The following LRFN5 variants were observed in gnomAD, a reference collection of about 807,000 sequenced individuals.
The protein encoded by LRFN5 is leucine-rich repeat and fibronectin type-III domain-containing protein 5.
LRFN5 carries 24 observed loss-of-function variants against 45.6 expected under a neutral mutation model. The ratio of observed to expected loss-of-function variants is 0.53; its 90% CI spans 0.38 to 0.74. LRFN5 has a LOEUF of 0.74. LRFN5 is among the 30% of genes least tolerant of loss of function. The pLI is 0.00. For synonymous variants in LRFN5, 340 were observed against 313.8 expected (o/e 1.08, Z -0.88); for missense variants, 776 against 861.5 (o/e 0.90, Z 1.24).
intron 2 of LRFN5, among the ~76,000 whole-genome samples, chr14:41,860,125 T>C (rs2139095472): frequency 6.6e-6 from 1 of 152,272 alleles, no homozygotes; most frequent in South Asian, 2.1e-4. Flanking sequence ...AGAAGAAAAG[T>C]GAAGTTCAGA....
At chr14:41,716,441 T>G (rs61990339) in intron 1 of LRFN5, among the ~76,000 whole-genome samples, 1 of 152,166 alleles carries the variant, frequency 6.6e-6, no homozygotes, top group Non-Finnish European at 1.5e-5. Flanking sequence ...TTCAGTGCTT[T>G]GCTGCTTAGA....
chr14:41,824,587 T>C (rs1355772695), intron 2 of LRFN5, among the ~76,000 whole-genome samples: 3 of 152,158 alleles, frequency 2.0e-5, no homozygotes, highest in African/African-American at 4.8e-5. Flanking sequence ...AGGTTTTTTA[T>C]TGGGTTATGT....
chr14:41,763,317 A>G (rs970479322), intron 1 of LRFN5, among the ~76,000 whole-genome samples: 5 of 152,206 alleles, frequency 3.3e-5, no homozygotes, highest in Admixed American at 2.0e-4. Flanking sequence ...GGCTCTTACC[A>G]ATGTATATGT....
intron 1 of LRFN5, among the ~76,000 whole-genome samples, chr14:41,760,909 A>G (rs1342579275): frequency 2.0e-5 from 3 of 152,172 alleles, no homozygotes; most frequent in African/African-American, 4.8e-5. Flanking sequence ...CTATTATCCA[A>G]TAATCAGCTA....
intron 2 of LRFN5, among the ~76,000 whole-genome samples, chr14:41,864,979 A>T (rs1227021861): frequency 6.6e-6 from 1 of 151,982 alleles, no homozygotes; most frequent in Non-Finnish European, 1.5e-5. Flanking sequence ...TAGGCAGCAA[A>T]CCACATCACA....
chr14:41,877,934 G>A (rs1041708365), intron 2 of LRFN5, among the ~76,000 whole-genome samples: 2 of 151,970 alleles, frequency 1.3e-5, no homozygotes, highest in African/African-American at 4.8e-5. Flanking sequence ...TACATTCAAT[G>A]TACTTAGCCA....
chr14:41,829,576 A>G (rs1005501406), intron 2 of LRFN5, among the ~76,000 whole-genome samples: 2 of 151,710 alleles, frequency 1.3e-5, no homozygotes, highest in African/African-American at 4.8e-5. Context: ...CTTGATTTTT[A>G]TCTTTTTTTT....
intron 1 of LRFN5, among the ~76,000 whole-genome samples, chr14:41,763,663 T>C (rs922448574): frequency 1.3e-5 from 2 of 152,134 alleles, no homozygotes; most frequent in African/African-American, 4.8e-5. Context: ...GTAATGATTT[T>C]ATAAAGGGGA....
intron 1 of LRFN5, among the ~76,000 whole-genome samples, chr14:41,746,333 G>C (rs1002580253): frequency 2.7e-5 from 4 of 147,668 alleles, no homozygotes; most frequent in Admixed American, 2.7e-4. Context: ...TCAAAGAATA[G>C]AAGGAAACTA....
chr14:41,740,679 T>A (rs76991245), intron 1 of LRFN5, among the ~76,000 whole-genome samples: 3,900 of 151,980 alleles, frequency 0.026, 165 homozygotes, highest in African/African-American at 0.089. Context: ...TTCTATTCAT[T>A]ATAGTATTGG....
intron 1 of LRFN5, among the ~76,000 whole-genome samples, chr14:41,722,841 G>A (rs753436705): frequency 2.0e-5 from 3 of 152,168 alleles, no homozygotes; most frequent in Non-Finnish European, 4.4e-5. Flanking sequence ...AATACACAAT[G>A]TTCTGTGCTC....
At chr14:41,648,310 A>T (rs1879917032) in intron 1 of LRFN5, among the ~76,000 whole-genome samples, 1 of 152,158 alleles carries the variant, frequency 6.6e-6, no homozygotes, top group African/African-American at 2.4e-5. Flanking sequence ...AGATTATTTT[A>T]TCAACCTGGA....
Position 41,904,282 on chromosome 14 carries a change from T to C in LRFN5, c.*107T>C. On this transcript the variant is annotated 3_prime_UTR_variant, in exon 6 of 6. Transcript: ENST00000298119. ...ACAAAGGCTAATTGTTGAACTGGTG[T>C]CGTAGAAGAAATTGTCTACAGGAGC... 7.5e-7 allele frequency: 1 copy of C among 1,336,034 alleles called. No homozygotes were observed. The highest frequency in any genetic ancestry group is 1.4e-5 in the African/African-American group (1 of 69,130). 82.8% of individuals were successfully genotyped at this position (1,336,034 alleles called of 1,614,324 possible).
chr14:41,719,453 G>T (rs1470562459), intron 1 of LRFN5, among the ~76,000 whole-genome samples: 1 of 151,878 alleles, frequency 6.6e-6, no homozygotes, highest in East Asian at 1.9e-4. Flanking sequence ...TTAAGAAATT[G>T]TTGTTGAAAT....
In LRFN5 at chr14:41,904,355, G is replaced by C; in HGVS notation, c.*180G>C. 1.6e-6 allele frequency: 1 copy of C among 631,306 alleles called. No homozygotes were observed. The highest frequency in any genetic ancestry group is 2.6e-6 in the Non-Finnish European group (1 of 387,054). 39.1% of individuals were successfully genotyped at this position (631,306 alleles called of 1,614,324 possible). On this transcript the variant is annotated 3_prime_UTR_variant, in exon 6 of 6. Transcript: ENST00000298119. ...GGCGGAACTGGCTCCATTAGACCAT[G>C]GTTCATCCTCTTTTAAAACCAAATT...
intron 1 of LRFN5, among the ~76,000 whole-genome samples, chr14:41,762,265 T>G (rs986173428): frequency 6.6e-6 from 1 of 152,206 alleles, no homozygotes; most frequent in East Asian, 1.9e-4. Flanking sequence ...GTCAGCAAGA[T>G]TTATGCTTTA....
chr14:41,681,170 G>T (rs61372649), intron 1 of LRFN5, among the ~76,000 whole-genome samples: 3,574 of 152,220 alleles, frequency 0.023, 124 homozygotes, highest in African/African-American at 0.082. Flanking sequence ...TAGAGAGGAG[G>T]TAAGAAAAGA....
At chr14:41,723,346 T>C (rs1386515326) in intron 1 of LRFN5, among the ~76,000 whole-genome samples, 1 of 151,796 alleles carries the variant, frequency 6.6e-6, no homozygotes, top group Non-Finnish European at 1.5e-5. Context: ...GGCCTCCCTG[T>C]ACCAGGATCT....
chr14:41,766,622 TA>T (rs1297112688), intron 1 of LRFN5, among the ~76,000 whole-genome samples: 1 of 152,192 alleles, frequency 6.6e-6, no homozygotes, highest in Non-Finnish European at 1.5e-5. Context: ...TCAGTTTTGA[TA>T]AGAAAACTTA....
Sources: gnomAD v4.1 joint callset for allele counts (sites outside exome capture counted in the v4.1 genomes callset) on GRCh38, gnomAD v4.1.1 for gene constraint, MANE v1.5 for transcripts, NCBI Gene and HGNC (gene_info 2026-07-23, HGNC 2026-07-21) for gene names.